The following SCN11A variants were observed in gnomAD, a reference collection of about 807,000 sequenced individuals.
SCN11A encodes sodium voltage-gated channel alpha subunit 11, also known as sodium channel protein type 11 subunit alpha.
Under a neutral mutation model 162.2 loss-of-function variants are expected in SCN11A, and 122 were observed. The observed-to-expected ratio is 0.75, with a 90% CI of 0.65 to 0.87. The LOEUF is 0.87. Among genes scored for constraint, SCN11A ranks in the 40% least tolerant of loss-of-function variants. SCN11A has a pLI of 0.00. For missense variants in SCN11A, 2,015 were observed against 2,181.6 expected, an observed-to-expected ratio of 0.92 and a Z score of 1.52; for synonymous variants, 758 against 751.5, an observed-to-expected ratio of 1.01 and a Z score of -0.14.
chr3:38,995,797 T>TTGTCTATCTATCTGTCTGTCTGTCTGTC (rs1398756748), intron 2 of SCN11A, among the ~76,000 whole-genome samples: 28 of 108,552 alleles, frequency 2.6e-4, no homozygotes, highest in African/African-American at 9.9e-4. Context: ...TCACAATAAA[T>TTGTCTATCTATCTGTCTGTCTGTCTGTC]TGTCTATCTA....
At position 38,897,155 on chromosome 3, in the gene SCN11A, A is replaced by G. The variant is rs747911047; in HGVS notation, c.2093T>C (p.Val698Ala). The G allele has an allele frequency of 2.3e-5, 37 of 1,614,164 alleles. No homozygotes were observed. The highest frequency in any genetic ancestry group is 1.6e-4 in the Middle Eastern group (1 of 6,062). The stretch of plus-strand genomic sequence containing the variant: ...CACAGTCAGGCTTCCAAGGGCTCCG[A>G]CAGAGTTGCCGATTATCTTAATTAG... ...NTLIKIIGNS[V>A]GALGSLTVVL... Residue 698 changes from valine (V) to alanine (A), a missense_variant, in exon 18 of 30, where the codon GTC (valine) becomes GCC (alanine). By Grantham distance (64) the Val-to-Ala change is moderately conservative (BLOSUM62 0). Coordinates refer to ENST00000302328, the MANE Select transcript of SCN11A (RefSeq NM_001349253.2).
At chr3:38,950,059 C>CT in intron 5 of SCN11A, 37 bp downstream of exon 5, 6 of 124,688 alleles carry the variant, frequency 4.8e-5, no homozygotes, top group Non-Finnish European at 7.4e-5. Context: ...GTTAGAACAC[C>CT]CCCACCCCCA....
chr3:38,998,478 A>G (rs2030709385), intron 2 of SCN11A, among the ~76,000 whole-genome samples: 1 of 152,196 alleles, frequency 6.6e-6, no homozygotes, highest in African/African-American at 2.4e-5. Context: ...TACTAGTTCA[A>G]CCATTGTGGA....
chr3:38,967,507 G>A (rs749791353), intron 2 of SCN11A, among the ~76,000 whole-genome samples: 8 of 152,150 alleles, frequency 5.3e-5, no homozygotes, highest in Non-Finnish European at 1.2e-4. Flanking sequence ...CTATTTTCAG[G>A]AGTTCATTTC....
chr3:39,017,327 A>G (rs1013771283), intron 2 of SCN11A, among the ~76,000 whole-genome samples: 7 of 151,230 alleles, frequency 4.6e-5, no homozygotes, highest in South Asian at 2.1e-4. Context: ...CACCTAGTCT[A>G]TGGTAATTTG....
At chr3:38,908,269 C>A in intron 13 of SCN11A, 147 bp from the exon 14 acceptor site, 2 of 687,066 alleles carry the variant, frequency 2.9e-6, no homozygotes, top group Non-Finnish European at 4.9e-6. Flanking sequence ...ACTACGCTAG[C>A]TCTGTTATTT....
chr3:39,035,212 G>A (rs961739183), intron 1 of SCN11A, among the ~76,000 whole-genome samples: 1 of 152,180 alleles, frequency 6.6e-6, no homozygotes, highest in Admixed American at 6.6e-5. Flanking sequence ...CAGAGCCATA[G>A]TAACAAAAAC....
In SCN11A at chr3:39,051,901, C is replaced by A; in HGVS notation, c.-444G>T. On this transcript the variant is annotated 5_prime_UTR_variant, in exon 1 of 30. Coordinates refer to ENST00000302328, the MANE Select transcript of SCN11A (RefSeq NM_001349253.2). ...CCGGCCACACAGCAACTAACAGCAC[C>A]GAGGAAACACAACAGCCTGTTTACC... 8.3e-7 allele frequency: 1 copy of A among 1,206,416 alleles called. No individual in the cohort carries two copies. Among genetic ancestry groups the A allele is most frequent in the Non-Finnish European group, 1.2e-6 (1 of 835,894 alleles). The allele number at this position is 1,206,416 out of a possible 1,614,324, so 74.7% of individuals were successfully genotyped here. A position where few individuals can be genotyped will look rare whatever the true frequency, so the allele number is the denominator to read the frequency against.
intron 10 of SCN11A, among the ~76,000 whole-genome samples, chr3:38,920,284 A>C (rs1474949624): frequency 6.6e-6 from 1 of 152,128 alleles, no homozygotes; most frequent in African/African-American, 2.4e-5. Context: ...TCCCTGGGGG[A>C]AGCTGGACAC....
chr3:38,897,136 C>A lies in SCN11A; in HGVS notation c.2112G>T (p.Leu704=). ...AGATCACAATGACCAGGACCACAGT[C>A]AGGCTTCCAAGGGCTCCGACAGAGT... ...IGNSVGALGS[L]TVVLVIVIFI... Residue 704 remains leucine, a synonymous_variant, in exon 18 of 30, where the codon CTG becomes CTT. Coordinates refer to ENST00000302328, the MANE Select transcript of SCN11A (RefSeq NM_001349253.2). 1 of 1,614,128 alleles carries A rather than the reference C, an allele frequency of 6.2e-7. No homozygotes were observed. The highest frequency in any genetic ancestry group is 1.1e-5 in the South Asian group (1 of 91,068).
chr3:39,010,471 T>C (rs1056409790), intron 2 of SCN11A, among the ~76,000 whole-genome samples: 2 of 151,256 alleles, frequency 1.3e-5, no homozygotes, highest in Admixed American at 6.6e-5. Context: ...CTCCGCCTCA[T>C]GGGTTCACGC....
chr3:38,894,438 A>C, intron 19 of SCN11A, 95 bp downstream of exon 19: 1 of 1,014,848 alleles, frequency 9.9e-7, no homozygotes, highest in South Asian at 1.6e-5. Context: ...TACCCTTATT[A>C]TCCTTGCATA....
Position 38,877,061 on chromosome 3 carries a change from T to C in SCN11A, c.3393+2889A>G, listed in dbSNP as rs181035028. Among the ~76,000 whole-genome samples the C allele has an allele frequency of 4.1e-4, 52 of 127,920 alleles. 1 individual carries two copies. Among genetic ancestry groups the C allele is most frequent in the African/African-American group, 1.5e-3 (51 of 33,268 alleles). The allele number at this position is 127,920 out of a possible 152,430, so 83.9% of individuals were successfully genotyped here. On this transcript the variant is annotated intron_variant, in intron 23 of 29. Coordinates refer to ENST00000302328, the MANE Select transcript of SCN11A (RefSeq NM_001349253.2). ...ATATATGGTGTATATACTATATATA[T>C]GGTATATATATGGTGTATATACTAT...
intron 4 of SCN11A, among the ~76,000 whole-genome samples, 200 bp downstream of exon 4, chr3:38,953,427 AAG>A (rs1332313513): frequency 3.3e-5 from 5 of 152,186 alleles, no homozygotes; most frequent in African/African-American, 1.2e-4. Flanking sequence ...TAAAAAAAAA[AAG>A]TCCCTCTAAC....
intron 2 of SCN11A, among the ~76,000 whole-genome samples, chr3:39,004,571 A>T (rs2030914660): frequency 6.6e-6 from 1 of 152,134 alleles, no homozygotes; most frequent in South Asian, 2.1e-4. Context: ...TGTAATTGGT[A>T]GTTTGATAGG....
intron 2 of SCN11A, among the ~76,000 whole-genome samples, chr3:38,973,945 G>T (rs1305476869): frequency 2.0e-5 from 3 of 152,232 alleles, no homozygotes; most frequent in Non-Finnish European, 4.4e-5. Context: ...AATTCTTTCT[G>T]AAGGGGTTGT....
chr3:39,015,373 C>T (rs1288556722), intron 2 of SCN11A, among the ~76,000 whole-genome samples: 2 of 152,014 alleles, frequency 1.3e-5, no homozygotes, highest in African/African-American at 4.8e-5. Context: ...TATAGGAGCA[C>T]AAATGGACTA....
chr3:38,987,299 T>TCA lies in SCN11A; in HGVS notation c.-279-26877_-279-26876insTG, dbSNP rs1331997215. ...GCCTTTCTCTCTCTCTCTCTCTCTC[T>TCA]CTCTCACACACACACACACACACAC... On this transcript the variant is annotated intron_variant, in intron 2 of 29. Coordinates refer to ENST00000302328, the MANE Select transcript of SCN11A (RefSeq NM_001349253.2). Among the ~76,000 whole-genome samples the TCA allele has an allele frequency of 5.0e-3, 560 of 111,684 alleles. 4 individuals carry two copies. The highest frequency in any genetic ancestry group is 0.027 in the South Asian group (100 of 3,638). 73.3% of individuals were successfully genotyped at this position (111,684 alleles called of 152,430 possible).
intron 2 of SCN11A, among the ~76,000 whole-genome samples, chr3:39,001,828 G>A (rs112978930): frequency 6.6e-6 from 1 of 151,972 alleles, no homozygotes; most frequent in Non-Finnish European, 1.5e-5. Context: ...AGGTCAGGAG[G>A]TCGAGACCAT....
Sources: allele counts gnomAD v4.1 joint callset (sites outside exome capture counted in the v4.1 genomes callset), GRCh38; gene constraint gnomAD v4.1.1; transcripts MANE v1.5; gene names NCBI Gene and HGNC (gene_info 2026-07-23, HGNC 2026-07-21).